ZNF789: variants seen among roughly 807,000 people sequenced by gnomAD.
ZNF789 encodes zinc finger protein 789.
ZNF789 carries 11 observed loss-of-function variants against 15.6 expected under a neutral mutation model. The ratio of observed to expected loss-of-function variants is 0.70; its 90% CI spans 0.44 to 1.16. The LOEUF is 1.16. Ranked by LOEUF, ZNF789 falls within the 50% of genes most tolerant of loss-of-function variation. ZNF789 has a pLI of 0.00. For missense variants in ZNF789, 461 were observed against 512.6 expected, an observed-to-expected ratio of 0.90 and a Z score of 0.97; for synonymous variants, 159 against 176.0, an observed-to-expected ratio of 0.90 and a Z score of 0.76.
intron 2 of ZNF789, chr7:99,478,471 TTCTCAGGATGG>T: frequency 2.4e-6 from 2 of 838,278 alleles, no homozygotes; most frequent in Admixed American, 2.3e-5. Context: ...TACGTGAAGC[TTCTCAGGATGG>T]TCTCAGGATG....
chr7:99,482,221 T>C (rs200228303), intron 3 of ZNF789: 35 of 779,072 alleles, frequency 4.5e-5, no homozygotes, highest in Non-Finnish European at 6.9e-5. Flanking sequence ...CACATTCATC[T>C]TGGTTGCAAT....
intron 1 of ZNF789, among the ~76,000 whole-genome samples, chr7:99,475,492 C>T (rs939481202): frequency 6.6e-6 from 1 of 152,002 alleles, no homozygotes; most frequent in African/African-American, 2.4e-5. Context: ...CCCTTTAGAA[C>T]ACTTTCAGAG....
chr7:99,478,170 C>A, intron 2 of ZNF789: 3 of 735,478 alleles, frequency 4.1e-6, no homozygotes, highest in Non-Finnish European at 5.8e-6. Context: ...TGCTAAAAAT[C>A]AGTTTCCAAG....
chr7:99,487,127 T>G lies in ZNF789; in HGVS notation c.917T>G (p.Ile306Ser), dbSNP rs750067344. 1.9e-6 allele frequency: 3 copies of G among 1,614,178 alleles called. No homozygotes were observed. The change falls in exon 5 of 5, where the codon ATC (isoleucine) becomes AGC (serine). Residue 306 changes from isoleucine (I) to serine (S), a missense_variant. Ile to Ser is a moderately radical substitution (Grantham distance 142). Transcript: ENST00000331410. The part of the protein sequence containing the change: ...QNSTLIRHQV[I>S]HSGEKRHKCL... ...TCAACCCTTATTCGACATCAGGTGA[T>G]CCATAGTGGAGAAAAACGCCATAAA...
At position 99,482,131 on chromosome 7, in the gene ZNF789, G is replaced by A. The variant is rs370155880; in HGVS notation, c.152-1899G>A. 3.8e-5 allele frequency: 30 copies of A among 779,672 alleles called. 1 individual carries two copies. Among genetic ancestry groups the A allele is most frequent in the Non-Finnish European group, 5.5e-5 (23 of 418,102 alleles). The allele number at this position is 779,672 out of a possible 1,614,324, so 48.3% of individuals were successfully genotyped here. On this transcript the variant is annotated intron_variant, in intron 3 of 4. Coordinates refer to ENST00000331410, the MANE Select transcript of ZNF789 (RefSeq NM_213603.3). ...TAGACATGTAGCTTCTTCAAGCTACGCTTGATTTAATTGTTCCCTTTTGAT... is the reference window on the plus strand; with the variant it reads ...TAGACATGTAGCTTCTTCAAGCTACACTTGATTTAATTGTTCCCTTTTGAT...
chr7:99,485,252 C>T, intron 4 of ZNF789: 1 of 1,531,924 alleles, frequency 6.5e-7, no homozygotes, highest in Non-Finnish European at 8.7e-7. Flanking sequence ...CATGGCACTA[C>T]TGACGTTTTG....
rs1799525831 is a variant in ZNF789 at position 99,479,807 on chromosome 7, T to C, written c.151+20T>C. On this transcript the variant is annotated intron_variant, in intron 3 of 4. Transcript: ENST00000331410. ...TGCTGGGTAGGACACGGCTTGAAGA[T>C]TGGGCTTTGTCTGTGTTCTGAGTGT... 5 of 1,609,228 alleles carry C rather than the reference T, an allele frequency of 3.1e-6. No homozygotes were observed. The highest frequency in any genetic ancestry group is 1.1e-5 in the South Asian group (1 of 90,548).
intron 1 of ZNF789, 123 bp from the exon 2 acceptor site, chr7:99,476,280 C>T: frequency 5.0e-6 from 3 of 596,746 alleles, no homozygotes; most frequent in Non-Finnish European, 8.5e-6. Context: ...TGTTCCAACA[C>T]CAAACACAGG....
At chr7:99,484,351 C>T (rs537699952) in intron 4 of ZNF789, among the ~76,000 whole-genome samples, 21 of 152,302 alleles carry the variant, frequency 1.4e-4, no homozygotes, top group South Asian at 4.1e-4. Flanking sequence ...CTTGGCTGGA[C>T]GCGGTGGCGC....
rs900277229 is a variant in ZNF789 at position 99,477,587 on chromosome 7, C to T, written c.24+1107C>T. Among the ~76,000 whole-genome samples, 8 of 152,270 alleles carry T rather than the reference C, an allele frequency of 5.3e-5. No homozygotes were observed. The Middle Eastern group carries it at 0.024, about 453-fold the overall frequency. On this transcript the variant is annotated intron_variant, in intron 2 of 4. Transcript: ENST00000331410. ...ACTCTTGGCTTGAGCCATCCACCAG[C>T]CTCAGCCTCCCAAAGTGCTGGGAAT...
chr7:99,478,483 T>C (rs1448535649), intron 2 of ZNF789: 2 of 745,196 alleles, frequency 2.7e-6, no homozygotes, highest in Admixed American at 2.3e-5. Context: ...CTCAGGATGG[T>C]CTCAGGATGG....
Position 99,487,371 on chromosome 7 carries a change from T to G in ZNF789, c.1161T>G (p.His387Gln), listed in dbSNP as rs1403566063. Residue 387 changes from histidine (H) to glutamine (Q), a missense_variant, in exon 5 of 5, where the codon CAT (histidine) becomes CAG (glutamine). Physicochemically the swap from His to Gln is conservative, Grantham distance 24. Transcript: ENST00000331410. ...TFSFKRNLFRHQVIHTGSQPY... is the reference protein window; with the variant it reads ...TFSFKRNLFRQQVIHTGSQPY... ...GTTTTAAGAGGAATCTTTTTCGACATCAGGTCATTCACACTGGAAGCCAAC... is the reference window on the plus strand; with the variant it reads ...GTTTTAAGAGGAATCTTTTTCGACAGCAGGTCATTCACACTGGAAGCCAAC... The G allele has an allele frequency of 6.2e-7, 1 of 1,614,230 alleles. No individual in the cohort carries two copies. Among genetic ancestry groups the G allele is most frequent in the Non-Finnish European group, 8.5e-7 (1 of 1,180,040 alleles).
chr7:99,484,203 T>C, intron 4 of ZNF789, 60 bp downstream of exon 4: 1 of 1,361,732 alleles, frequency 7.3e-7, no homozygotes, highest in South Asian at 1.2e-5. Flanking sequence ...GGCATGTTAG[T>C]GAAGCCCCTT....
chr7:99,476,624 G>T, intron 2 of ZNF789, 144 bp downstream of exon 2: 1 of 977,650 alleles, frequency 1.0e-6, no homozygotes, highest in South Asian at 2.1e-5. Flanking sequence ...GGAGTCACAT[G>T]GGCTTCCTTC....
chr7:99,474,027 A>G (rs1212474688), intron 1 of ZNF789, among the ~76,000 whole-genome samples: 1 of 152,208 alleles, frequency 6.6e-6, no homozygotes, highest in African/African-American at 2.4e-5. Context: ...GGGAGAAATC[A>G]ATGTATTTTA....
intron 2 of ZNF789, among the ~76,000 whole-genome samples, chr7:99,478,095 G>A (rs747324410): frequency 6.6e-5 from 10 of 151,942 alleles, no homozygotes; most frequent in Non-Finnish European, 1.3e-4. Flanking sequence ...TATCAAAACC[G>A]TTTTTTTTCC....
chr7:99,482,099 T>C (rs1799664880), intron 3 of ZNF789: 2 of 778,714 alleles, frequency 2.6e-6, no homozygotes, highest in East Asian at 2.4e-5. Flanking sequence ...ATGTTTCATA[T>C]ACACCTTAGA....
rs1799676081 is a variant in ZNF789, at chr7:99,482,231, T to C, written c.152-1799T>C. 3 of 779,154 alleles carry C rather than the reference T, an allele frequency of 3.9e-6. No individual in the cohort carries two copies. The East Asian group carries it at 7.3e-5, about 19-fold the overall frequency. The allele number at this position is 779,154 out of a possible 1,614,324, so 48.3% of individuals were successfully genotyped here. A position where few individuals can be genotyped will look rare whatever the true frequency, so the allele number is the denominator to read the frequency against. The stretch of plus-strand genomic sequence containing the variant: ...TCTGGCACATTCATCTTGGTTGCAA[T>C]TGTACTTTAGGCTATATTTCTAAGA... On this transcript the variant is annotated intron_variant, in intron 3 of 4. Coordinates refer to ENST00000331410, the MANE Select transcript of ZNF789 (RefSeq NM_213603.3).
chr7:99,476,544 G>A, intron 2 of ZNF789, 64 bp downstream of exon 2: 1 of 1,596,900 alleles, frequency 6.3e-7, no homozygotes, highest in Non-Finnish European at 8.5e-7. Context: ...TCCTTCCTCA[G>A]ACTGAGCCCT....
Sources: gnomAD v4.1 joint callset for allele counts (sites outside exome capture counted in the v4.1 genomes callset) on GRCh38, gnomAD v4.1.1 for gene constraint, MANE v1.5 for transcripts, NCBI Gene and HGNC (gene_info 2026-07-23, HGNC 2026-07-21) for gene names.